AARSD1: variants seen among roughly 807,000 people sequenced by gnomAD.
AARSD1 encodes the protein alanyl-tRNA editing protein Aarsd1.
Under a neutral mutation model 48.7 loss-of-function variants are expected in AARSD1, and 44 were observed. The observed-to-expected ratio is 0.90, with a 90% CI of 0.71 to 1.16. The LOEUF (loss-of-function observed/expected upper bound fraction) is 1.16. Among genes scored for constraint, AARSD1 ranks in the 50% most tolerant of loss-of-function variants. AARSD1 has a pLI of 0.00. For synonymous variants in AARSD1, 189 were observed against 194.9 expected, an observed-to-expected ratio of 0.97 and a Z score of 0.25; for missense variants, 511 against 523.1, an observed-to-expected ratio of 0.98 and a Z score of 0.23.
intron 3 of AARSD1, among the ~76,000 whole-genome samples, chr17:42,959,662 CTCTTT>C (rs1208661954): frequency 4.6e-5 from 7 of 150,574 alleles, no homozygotes; most frequent in East Asian, 2.0e-4. Context: ...CCAGCCATTT[CTCTTT>C]TCTTTTTTTT....
chr17:42,951,950 C>T, intron 10 of AARSD1, 56 bp from the exon 11 acceptor site: 2 of 1,570,122 alleles, frequency 1.3e-6, no homozygotes, highest in Non-Finnish European at 1.8e-6. Context: ...GAGTCAACCC[C>T]CCAAATCCTG....
intron 3 of AARSD1, among the ~76,000 whole-genome samples, chr17:42,958,207 T>A (rs1240948999): frequency 2.0e-5 from 3 of 152,146 alleles, no homozygotes; most frequent in African/African-American, 7.2e-5. Context: ...TTTCATTTTT[T>A]AAAATTTATT....
Position 42,955,989 on chromosome 17 carries a change from G to A in AARSD1, c.664-17C>T. On this transcript the variant is annotated splice_polypyrimidine_tract_variant and intron_variant, in intron 6 of 11. Transcript: ENST00000427569. ...CTTAATGACCTACATGAGGCAAGGG[G>A]GTAACACACACACACACGTGTGCAC... is the stretch of plus-strand genomic sequence containing the variant. 1 of 1,613,932 alleles carries A rather than the reference G, an allele frequency of 6.2e-7. No individual in the cohort carries two copies. The highest frequency in any genetic ancestry group is 1.1e-5 in the South Asian group (1 of 91,068).
chr17:42,953,681 G>C, intron 10 of AARSD1, 43 bp downstream of exon 10: 3 of 1,613,718 alleles, frequency 1.9e-6, no homozygotes, highest in Non-Finnish European at 2.5e-6. Context: ...GTCTCCCTAG[G>C]TCTCTATCCA....
intron 2 of AARSD1, among the ~76,000 whole-genome samples, chr17:42,962,522 A>T (rs892580838): frequency 2.6e-5 from 4 of 152,150 alleles, no homozygotes; most frequent in African/African-American, 7.2e-5. Flanking sequence ...AAGGAAAGAG[A>T]CCTAACAGTC....
intron 11 of AARSD1, 103 bp from the exon 12 acceptor site, chr17:42,950,831 A>G (rs1347212558): frequency 8.8e-6 from 13 of 1,474,712 alleles, no homozygotes; most frequent in East Asian, 2.3e-5. Flanking sequence ...AGGGATAAGA[A>G]GAGTAGATGA....
At chr17:42,954,991 T>C (rs2049527484) in intron 8 of AARSD1, 24 bp from the exon 9 acceptor site, 2 of 1,614,010 alleles carry the variant, frequency 1.2e-6, no homozygotes, top group Non-Finnish European at 1.7e-6. Context: ...GGTAACTCAG[T>C]AGATAAATGG....
At position 42,951,734 on chromosome 17, in the gene AARSD1, A is replaced by C. The variant is rs2049481184; in HGVS notation, c.1103+66T>G. ...CGCAGATGTGATGGTCCTTTGACTC[A>C]GTAAAGGAATGTATTTGTAGGATAC... On this transcript the variant is annotated intron_variant, in intron 11 of 11. Transcript: ENST00000427569. 21 of 1,534,106 alleles carry C rather than the reference A, an allele frequency of 1.4e-5. 1 individual carries two copies. In the South Asian group the frequency reaches 2.3e-4, roughly 17 times the overall value.
intron 11 of AARSD1, 39 bp downstream of exon 11, chr17:42,951,761 G>T: frequency 1.3e-6 from 2 of 1,597,696 alleles, no homozygotes; most frequent in South Asian, 2.2e-5. Context: ...GTAGGATACA[G>T]GCTCTACTAC....
Position 42,964,453 on chromosome 17 carries a change from G to C in AARSD1, c.-13C>G, listed in dbSNP as rs2049686520. ...ACCAGAACGCCATACCTGCAGGCGTGTGAGGAGGCGCACGCGCAGAGAAGC... is the reference window on the plus strand; with the variant it reads ...ACCAGAACGCCATACCTGCAGGCGTCTGAGGAGGCGCACGCGCAGAGAAGC... On this transcript the variant is annotated 5_prime_UTR_variant, in exon 1 of 12. Coordinates refer to ENST00000427569, the MANE Select transcript of AARSD1 (RefSeq NM_001261434.2). The C allele has an allele frequency of 2.3e-5, 36 of 1,550,710 alleles. No homozygotes were observed. Among genetic ancestry groups the C allele is most frequent in the Non-Finnish European group, 3.1e-5 (35 of 1,147,002 alleles).
chr17:42,961,639 G>T (rs2049639073), intron 2 of AARSD1, among the ~76,000 whole-genome samples: 1 of 152,132 alleles, frequency 6.6e-6, no homozygotes, highest in Non-Finnish European at 1.5e-5. Context: ...AACTCTCCTT[G>T]CCTTAGTCTA....
chr17:42,954,870 T>C lies in AARSD1; in HGVS notation c.953+6A>G. The C allele has an allele frequency of 6.2e-7, 1 of 1,613,986 alleles. No individual in the cohort carries two copies. The highest frequency in any genetic ancestry group is 8.5e-7 in the Non-Finnish European group (1 of 1,179,926). ...CCTTCCTTGTGTCCAGCTCCTAATT[T>C]CTCACCTGTGTAATATGACCACACC... On this transcript the variant is annotated splice_donor_region_variant and intron_variant, in intron 9 of 11. Transcript: ENST00000427569.
intron 10 of AARSD1, among the ~76,000 whole-genome samples, chr17:42,953,164 G>C (rs1445233952): frequency 6.6e-6 from 1 of 152,086 alleles, no homozygotes; most frequent in South Asian, 2.1e-4. Context: ...TATTTTAGTA[G>C]AGATAGGGTT....
At chr17:42,953,920 G>T (rs1407515490) in intron 9 of AARSD1, 142 bp from the exon 10 acceptor site, 1 of 1,059,344 alleles carries the variant, frequency 9.4e-7, no homozygotes. Flanking sequence ...AGAGAGTACT[G>T]GCTGAAAGCC....
At chr17:42,957,456 C>T in intron 3 of AARSD1, 1 of 228,668 alleles carries the variant, frequency 4.4e-6, no homozygotes. Context: ...TTATAAGGGG[C>T]TGGACTTGAA....
intron 2 of AARSD1, among the ~76,000 whole-genome samples, chr17:42,962,468 A>T (rs1045303472): frequency 8.5e-5 from 13 of 152,172 alleles, no homozygotes; most frequent in Non-Finnish European, 2.9e-5. Context: ...TATGACCTAT[A>T]ACATGCCATA....
rs2049544433 is a variant in AARSD1 at position 42,955,964 on chromosome 17, C to T, written c.672G>A (p.Lys224=). The T allele has an allele frequency of 7.4e-6, 12 of 1,614,012 alleles. No homozygotes were observed. Among genetic ancestry groups the T allele is most frequent in the Non-Finnish European group, 1.0e-5 (12 of 1,180,038 alleles). ...TTTTCCCCTTCTCAGTGCCCAGAAT[C>T]TTAATGACCTACATGAGGCAAGGGG... The part of the protein sequence containing the change: ...VSNLSDLQVI[K]ILGTEKGKKN... Residue 224 remains lysine, a synonymous_variant, in exon 7 of 12, where the codon AAG becomes AAA. Transcript: ENST00000427569.
At chr17:42,951,726 T>TTTGACTCAGTAAAGGAATGTATTTG in intron 11 of AARSD1, 74 bp downstream of exon 11, 2 of 1,525,732 alleles carry the variant, frequency 1.3e-6, no homozygotes, top group Admixed American at 3.5e-5. Context: ...GTGATGGTCC[T>TTTGACTCAGTAAAGGAATGTATTTG]TTGACTCAGT....
Position 42,955,010 on chromosome 17 carries a change from A to G in AARSD1, c.862-43T>C, listed in dbSNP as rs1388159605. ...ACTCAGTAGATAAATGGAAAGGATA[A>G]CAATAGAGAGTATCAGCTTCCCTCC... is the stretch of plus-strand genomic sequence containing the variant. On this transcript the variant is annotated intron_variant, in intron 8 of 11. Transcript: ENST00000427569. 3.1e-6 allele frequency: 5 copies of G among 1,613,540 alleles called. No homozygotes were observed. In the South Asian group the frequency reaches 5.5e-5, roughly 18 times the overall value.
Sources: gnomAD v4.1 joint callset for allele counts (sites outside exome capture counted in the v4.1 genomes callset) on GRCh38, gnomAD v4.1.1 for gene constraint, MANE v1.5 for transcripts, NCBI Gene and HGNC (gene_info 2026-07-23, HGNC 2026-07-21) for gene names.